Variants in CLEC4A observed in about 807,000 individuals in gnomAD.
CLEC4A encodes the protein C-type (calcium dependent, carbohydrate-recognition domain) lectin, superfamily member 6.
In CLEC4A, 27 loss-of-function variants were observed where a neutral mutation model predicts 32.7. The observed-to-expected ratio is 0.83, with a 90% CI of 0.61 to 1.14. The LOEUF (loss-of-function observed/expected upper bound fraction) is 1.14. Among genes scored for constraint, CLEC4A ranks in the 50% most tolerant of loss-of-function variants. The pLI, the probability that CLEC4A is intolerant of heterozygous loss-of-function variation, is 0.00. For synonymous variants in CLEC4A, 89 were observed against 93.7 expected (o/e 0.95, Z 0.29); for missense variants, 253 against 274.6 (o/e 0.92, Z 0.55).
chr12:8,114,048 T>A, the CLEC4A span, among the ~76,000 whole-genome samples: 1 of 152,172 alleles, frequency 6.6e-6, no homozygotes, highest in African/African-American at 2.4e-5. Context: ...GATTCATGGT[T>A]GGCTGAGGCA....
the CLEC4A span, among the ~76,000 whole-genome samples, chr12:8,117,038 C>A: frequency 5.9e-5 from 9 of 152,132 alleles, no homozygotes; most frequent in Admixed American, 5.9e-4. Context: ...GTCTCTTCAG[C>A]CTGCAGCTAC....
chr12:8,128,615 T>C (rs1947940820), intron 2 of CLEC4A, among the ~76,000 whole-genome samples: 1 of 152,108 alleles, frequency 6.6e-6, no homozygotes, highest in African/African-American at 2.4e-5. Context: ...TTCACCATCT[T>C]GGCCAGGCTA....
At chr12:8,115,403 A>G in the CLEC4A span, among the ~76,000 whole-genome samples, 3 of 152,138 alleles carry the variant, frequency 2.0e-5, no homozygotes, top group Non-Finnish European at 4.4e-5. Context: ...AAGAATATGC[A>G]TTTCTAACAA....
At chr12:8,103,373 G>GTTTTTTTTTTTTTTTTTTTTTTTT in the CLEC4A span, among the ~76,000 whole-genome samples, 217 of 78,010 alleles carry the variant, frequency 2.8e-3, 45 homozygotes, top group Admixed American at 3.8e-3. Flanking sequence ...GTTTCTTTCT[G>GTTTTTTTTTTTTTTTTTTTTTTTT]TTGTTTTTTT....
chr12:8,111,757 T>C, the CLEC4A span, among the ~76,000 whole-genome samples: 1 of 152,108 alleles, frequency 6.6e-6, no homozygotes, highest in African/African-American at 2.4e-5. Context: ...AATTTTACAC[T>C]GAACATCTTT....
chr12:8,115,657 G>A, the CLEC4A span, among the ~76,000 whole-genome samples: 10 of 152,164 alleles, frequency 6.6e-5, no homozygotes, highest in African/African-American at 2.2e-4. Flanking sequence ...GATCTGAAGA[G>A]TTATATAGGT....
chr12:8,134,634 A>C, intron 3 of CLEC4A: 1 of 1,608,124 alleles, frequency 6.2e-7, no homozygotes, highest in Non-Finnish European at 8.5e-7. Flanking sequence ...ACAGTACGCC[A>C]TCCCCCCGCA....
chr12:8,120,796 G>A (rs183542787), upstream of CLEC4A: 2 of 152,198 alleles, frequency 1.3e-5, no homozygotes, highest in African/African-American at 4.8e-5. Context: ...TAAGGGGATA[G>A]ATTCTATTAT....
At position 8,123,833 on chromosome 12, in the gene CLEC4A, G is replaced by C; in HGVS notation, c.-46G>C. Reference sequence around the variant, plus strand: ...CCTGTTTATAAGATGTTTTAAGAAAGATCTGAAACAGATTTTCTGAAGAAA... The same window carrying C: ...CCTGTTTATAAGATGTTTTAAGAAACATCTGAAACAGATTTTCTGAAGAAA... On this transcript the variant is annotated 5_prime_UTR_variant, in exon 1 of 6. Transcript: ENST00000229332. 1 of 1,340,370 alleles carries C rather than the reference G, an allele frequency of 7.5e-7. No homozygotes were observed. The highest frequency in any genetic ancestry group is 1.1e-6 in the Non-Finnish European group (1 of 931,842). 83.0% of individuals were successfully genotyped at this position (1,340,370 alleles called of 1,614,324 possible). A position where few individuals can be genotyped will look rare whatever the true frequency, so the allele number is the denominator to read the frequency against.
At chr12:8,110,943 C>T in the CLEC4A span, among the ~76,000 whole-genome samples, 3 of 151,700 alleles carry the variant, frequency 2.0e-5, no homozygotes, top group African/African-American at 7.3e-5. Context: ...GTGTGATCTC[C>T]GCTCACTACA....
intron 2 of CLEC4A, among the ~76,000 whole-genome samples, chr12:8,127,277 C>T (rs1284666079): frequency 6.6e-6 from 1 of 152,198 alleles, no homozygotes; most frequent in African/African-American, 2.4e-5. Flanking sequence ...CACATGGCAA[C>T]TGGCAGGCTT....
the CLEC4A span, among the ~76,000 whole-genome samples, chr12:8,118,071 A>G: frequency 4.8e-5 from 7 of 145,062 alleles, no homozygotes; most frequent in South Asian, 2.1e-4. Flanking sequence ...AGGAAAGGGG[A>G]AAAAAAAAGG....
At chr12:8,112,258 G>A in the CLEC4A span, among the ~76,000 whole-genome samples, 2 of 152,108 alleles carry the variant, frequency 1.3e-5, no homozygotes, top group African/African-American at 4.8e-5. Context: ...ATGAGCTACC[G>A]CACCTGGCCT....
At chr12:8,109,618 C>T in the CLEC4A span, among the ~76,000 whole-genome samples, 2 of 152,098 alleles carry the variant, frequency 1.3e-5, no homozygotes, top group African/African-American at 2.4e-5. Flanking sequence ...TAGGAGCCTA[C>T]GGTGGGAGAA....
chr12:8,134,146 A>G, intron 3 of CLEC4A: 1 of 1,606,306 alleles, frequency 6.2e-7, no homozygotes, highest in South Asian at 1.1e-5. Flanking sequence ...GGTTCTCGAT[A>G]CTGGTTCGCT....
chr12:8,134,285 A>G, intron 3 of CLEC4A: 1 of 1,612,412 alleles, frequency 6.2e-7, no homozygotes, highest in Non-Finnish European at 8.5e-7. Context: ...GCTAAGCTGC[A>G]GAGCCTCAAA....
chr12:8,134,680 A>G (rs2120622456), intron 3 of CLEC4A: 1 of 1,578,474 alleles, frequency 6.3e-7, no homozygotes, highest in Middle Eastern at 1.9e-4. Context: ...GGAATCCCCC[A>G]CTCCTCAGAG....
At chr12:8,117,063 T>G in the CLEC4A span, among the ~76,000 whole-genome samples, 11 of 152,154 alleles carry the variant, frequency 7.2e-5, no homozygotes, top group African/African-American at 2.4e-4. Context: ...AATAAAGAAT[T>G]CTTTTAATAT....
upstream of CLEC4A, chr12:8,120,792 G>T (rs1157361611): frequency 6.6e-6 from 1 of 152,188 alleles, no homozygotes; most frequent in Non-Finnish European, 1.5e-5. Flanking sequence ...GGGATAAGGG[G>T]ATAGATTCTA....
Sources: gnomAD v4.1 joint callset for allele counts (sites outside exome capture counted in the v4.1 genomes callset) on GRCh38, gnomAD v4.1.1 for gene constraint, MANE v1.5 for transcripts, NCBI Gene and HGNC (gene_info 2026-07-23, HGNC 2026-07-21) for gene names.